Variants in TRAPPC9 observed in about 807,000 individuals in gnomAD.
TRAPPC9 encodes trafficking protein particle complex subunit 9.
A neutral mutation model predicts 124.0 loss-of-function variants in TRAPPC9; 83 were observed. The ratio of observed to expected loss-of-function variants is 0.67; its 90% CI spans 0.56 to 0.80. TRAPPC9 has a LOEUF of 0.80. Among genes scored for constraint, TRAPPC9 ranks in the 30% least tolerant of loss-of-function variants. TRAPPC9 has a pLI of 0.00. For missense variants in TRAPPC9, 1,302 were observed against 1,508.3 expected (o/e 0.86, Z 2.27); for synonymous variants, 638 against 617.5 (o/e 1.03, Z -0.49).
chr8:140,383,180 G>A (rs1189963365), intron 7 of TRAPPC9, among the ~76,000 whole-genome samples: 1 of 152,150 alleles, frequency 6.6e-6, no homozygotes, highest in African/African-American at 2.4e-5. Flanking sequence ...CATCATCAAA[G>A]ACCAAAGGTA....
chr8:139,891,784 C>T (rs1217208473), intron 20 of TRAPPC9, among the ~76,000 whole-genome samples: 1 of 152,248 alleles, frequency 6.6e-6, no homozygotes, highest in Non-Finnish European at 1.5e-5. Flanking sequence ...CTCCCATCTC[C>T]AGGGTGCGTG....
At chr8:140,259,599 C>G (rs1435733991) in intron 15 of TRAPPC9, among the ~76,000 whole-genome samples, 1 of 152,224 alleles carries the variant, frequency 6.6e-6, no homozygotes, top group African/African-American at 2.4e-5. Context: ...AAGTCAAATG[C>G]TTACAATAGC....
intron 21 of TRAPPC9, among the ~76,000 whole-genome samples, chr8:139,881,889 C>A (rs1829696846): frequency 6.6e-6 from 1 of 152,240 alleles, no homozygotes; most frequent in Non-Finnish European, 1.5e-5. Flanking sequence ...GGCCTCACCC[C>A]TCTCCTTACT....
intron 9 of TRAPPC9, among the ~76,000 whole-genome samples, chr8:140,357,966 C>T (rs1230619287): frequency 2.0e-5 from 3 of 152,188 alleles, no homozygotes; most frequent in Admixed American, 6.5e-5. Flanking sequence ...ACCAGAAGTC[C>T]TCAACAGAAA....
chr8:139,844,772 T>C (rs1368452813), intron 21 of TRAPPC9, among the ~76,000 whole-genome samples: 1 of 152,226 alleles, frequency 6.6e-6, no homozygotes, highest in Non-Finnish European at 1.5e-5. Context: ...GGCCACCTCA[T>C]TCACCAGCTA....
chr8:140,165,675 C>T (rs2061825226), intron 17 of TRAPPC9, among the ~76,000 whole-genome samples: 1 of 151,654 alleles, frequency 6.6e-6, no homozygotes, highest in South Asian at 2.1e-4. Flanking sequence ...AAGGGAAGAA[C>T]TACCATTATC....
At chr8:140,288,729 T>C (rs1209562711) in intron 12 of TRAPPC9, among the ~76,000 whole-genome samples, 1 of 152,220 alleles carries the variant, frequency 6.6e-6, no homozygotes, top group Non-Finnish European at 1.5e-5. Flanking sequence ...ATTTCTATAG[T>C]TTAGCAATAA....
chr8:140,160,144 C>T (rs1177602655), intron 17 of TRAPPC9, among the ~76,000 whole-genome samples: 1 of 152,138 alleles, frequency 6.6e-6, no homozygotes, highest in East Asian at 1.9e-4. Flanking sequence ...AGTCAGGAAA[C>T]AACAGATGCT....
chr8:140,411,866 GA>G (rs375934031), intron 5 of TRAPPC9, among the ~76,000 whole-genome samples: 1 of 149,796 alleles, frequency 6.7e-6, no homozygotes, highest in Non-Finnish European at 1.5e-5. Context: ...AAGGAGAAAA[GA>G]AAAAAAAAGC....
chr8:139,886,062 C>A (rs1829997235), intron 20 of TRAPPC9, 93 bp from the exon 21 acceptor site: 3 of 1,179,630 alleles, frequency 2.5e-6, no homozygotes, highest in Non-Finnish European at 2.5e-6. Context: ...AGATGGGAAA[C>A]CTCCTACAGC....
intron 20 of TRAPPC9, among the ~76,000 whole-genome samples, chr8:139,902,149 CAT>C (rs1831060133): frequency 6.6e-6 from 1 of 152,228 alleles, no homozygotes; most frequent in Non-Finnish European, 1.5e-5. Flanking sequence ...CATGCACACA[CAT>C]GAAGATGGGA....
chr8:139,855,538 G>A (rs537465502), intron 21 of TRAPPC9, among the ~76,000 whole-genome samples: 25 of 152,360 alleles, frequency 1.6e-4, no homozygotes, highest in Non-Finnish European at 2.6e-4. Context: ...GTGCTTACAC[G>A]ACGCGTCATC....
intron 17 of TRAPPC9, among the ~76,000 whole-genome samples, chr8:140,181,922 G>A (rs2062214164): frequency 6.6e-6 from 1 of 152,126 alleles, no homozygotes; most frequent in Admixed American, 6.5e-5. Context: ...GCTCCCTGCA[G>A]GTTTCCTATG....
intron 19 of TRAPPC9, among the ~76,000 whole-genome samples, chr8:139,969,582 T>A (rs1835929939): frequency 6.6e-6 from 1 of 152,110 alleles, no homozygotes; most frequent in Non-Finnish European, 1.5e-5. Context: ...ATGACAAGGA[T>A]CACAGAGGTG....
chr8:139,977,931 A>G (rs2874035), intron 19 of TRAPPC9, among the ~76,000 whole-genome samples: 119,910 of 151,848 alleles, frequency 0.79, 47,901 homozygotes, highest in Middle Eastern at 0.93. Context: ...TCCACCCACC[A>G]CGGCCTCCTA....
chr8:140,442,920 G>T (rs1353067380), intron 2 of TRAPPC9, among the ~76,000 whole-genome samples: 1 of 151,642 alleles, frequency 6.6e-6, no homozygotes, highest in Admixed American at 6.6e-5. Context: ...GGATCACAAA[G>T]TTAAGAGATA....
At chr8:140,374,378 T>G (rs1472837483) in intron 7 of TRAPPC9, among the ~76,000 whole-genome samples, 1 of 152,194 alleles carries the variant, frequency 6.6e-6, no homozygotes, top group African/African-American at 2.4e-5. Flanking sequence ...GAGACCAGCC[T>G]GACCAACATG....
intron 4 of TRAPPC9, among the ~76,000 whole-genome samples, chr8:140,434,691 C>T (rs989002539): frequency 2.6e-5 from 4 of 152,172 alleles, no homozygotes; most frequent in Admixed American, 6.6e-5. Context: ...GATTTCTGGG[C>T]AGGGCATGGT....
rs560611228 is a variant in TRAPPC9 at position 139,759,792 on chromosome 8, T to C, written c.3056-27590A>G. Among the ~76,000 whole-genome samples, 18 of 152,236 alleles carry C rather than the reference T, an allele frequency of 1.2e-4. No homozygotes were observed. In the South Asian group the frequency reaches 1.5e-3, roughly 12 times the overall value. ...GGCACCCGCTCCTGCCCTCCCCCAG[T>C]CAGTCCTGCCAGGTGTGGAGGCAAG... On this transcript the variant is annotated intron_variant, in intron 21 of 22. Coordinates refer to ENST00000438773, the MANE Select transcript of TRAPPC9 (RefSeq NM_001160372.4).
Sources: allele counts gnomAD v4.1 joint callset (sites outside exome capture counted in the v4.1 genomes callset), GRCh38; gene constraint gnomAD v4.1.1; transcripts MANE v1.5; gene names NCBI Gene and HGNC (gene_info 2026-07-23, HGNC 2026-07-21).